Variants in RALGAPA2 observed in about 807,000 individuals in gnomAD.
The protein encoded by RALGAPA2 is Ral GTPase activating protein catalytic subunit alpha 2, also known as ral GTPase-activating protein subunit alpha-2.
RALGAPA2 carries 139 observed loss-of-function variants against 230.4 expected under a neutral mutation model. The observed-to-expected ratio is 0.60, with a 90% confidence interval of 0.53 to 0.69. The LOEUF (loss-of-function observed/expected upper bound fraction) is 0.69. RALGAPA2 is among the 30% of genes least tolerant of loss of function. The pLI is 0.00. For synonymous variants in RALGAPA2, 847 were observed against 837.8 expected (o/e 1.01, Z -0.19); for missense variants, 2,163 against 2,276.0 (o/e 0.95, Z 1.01).
At chr20:20,612,807 G>A (rs1422730611) in intron 13 of RALGAPA2, among the ~76,000 whole-genome samples, 1 of 152,096 alleles carries the variant, frequency 6.6e-6, no homozygotes, top group Non-Finnish European at 1.5e-5. Flanking sequence ...GGGTACCCAG[G>A]CCCCTGTCGC....
rs887511968 is a variant in RALGAPA2 at position 20,524,071 on chromosome 20, C to G, written c.3900+335G>C. Among the ~76,000 whole-genome samples the G allele has an allele frequency of 9.2e-5, 14 of 152,260 alleles. No individual in the cohort carries two copies. The South Asian group carries it at 1.2e-3, about 14-fold the overall frequency. On this transcript the variant is annotated intron_variant, in intron 30 of 39. Transcript: ENST00000202677. ...TCCCAGGTTCACGCCATTCTCCTGC[C>G]TCAGCCTCCGGGGTAGCTGGGCCTA...
At chr20:20,394,494 T>C (rs888627006) in intron 39 of RALGAPA2, among the ~76,000 whole-genome samples, 14 of 152,020 alleles carry the variant, frequency 9.2e-5, no homozygotes, top group South Asian at 2.1e-4. Context: ...GCAAAACTTA[T>C]CCAGGCATGG....
intron 31 of RALGAPA2, among the ~76,000 whole-genome samples, chr20:20,518,458 C>T (rs561924321): frequency 2.0e-5 from 3 of 152,302 alleles, no homozygotes; most frequent in Non-Finnish European, 2.9e-5. Context: ...AAAATACCCA[C>T]GCTATCACCT....
intron 25 of RALGAPA2, 57 bp downstream of exon 25, chr20:20,536,599 T>C: frequency 6.4e-7 from 1 of 1,560,894 alleles, no homozygotes; most frequent in South Asian, 1.1e-5. Context: ...GAGATAATCA[T>C]ACATCTAGAA....
intron 13 of RALGAPA2, among the ~76,000 whole-genome samples, chr20:20,615,702 C>T (rs749840254): frequency 3.3e-5 from 5 of 152,178 alleles, no homozygotes; most frequent in Non-Finnish European, 5.9e-5. Flanking sequence ...CAGTTGACAG[C>T]ATTTCAGGGC....
At chr20:20,698,087 A>G (rs980304917) in intron 1 of RALGAPA2, among the ~76,000 whole-genome samples, 1 of 152,052 alleles carries the variant, frequency 6.6e-6, no homozygotes, top group Non-Finnish European at 1.5e-5. Flanking sequence ...GAAAAAAAAA[A>G]GCCTAGTCTG....
intron 12 of RALGAPA2, among the ~76,000 whole-genome samples, chr20:20,617,942 T>G (rs2066199322): frequency 6.6e-6 from 1 of 152,212 alleles, no homozygotes; most frequent in Non-Finnish European, 1.5e-5. Flanking sequence ...TTGTTTTTTC[T>G]CAGTTCAGGC....
At chr20:20,676,501 T>C (rs1603235854) in intron 2 of RALGAPA2, among the ~76,000 whole-genome samples, 1 of 145,624 alleles carries the variant, frequency 6.9e-6, no homozygotes, top group East Asian at 2.2e-4. Flanking sequence ...TGCCCCTTGC[T>C]AGCTGTTTGA....
chr20:20,686,262 C>G (rs903252447), intron 1 of RALGAPA2, among the ~76,000 whole-genome samples: 2 of 152,102 alleles, frequency 1.3e-5, no homozygotes, highest in Non-Finnish European at 2.9e-5. Context: ...ATAGGGCTAA[C>G]AGGCCAGGCA....
intron 2 of RALGAPA2, 114 bp from the exon 3 acceptor site, chr20:20,676,402 CA>C (rs1297228911): frequency 1.5e-5 from 10 of 649,082 alleles, no homozygotes; most frequent in Non-Finnish European, 2.3e-5. Flanking sequence ...TTCATTTATT[CA>C]AAAAATAGCA....
At chr20:20,423,469 G>A (rs2060320196) in intron 37 of RALGAPA2, among the ~76,000 whole-genome samples, 1 of 152,214 alleles carries the variant, frequency 6.6e-6, no homozygotes, top group Non-Finnish European at 1.5e-5. Context: ...CTAGGGAGAA[G>A]CATCTGGAAG....
At chr20:20,464,623 T>C (rs1032043271) in intron 37 of RALGAPA2, among the ~76,000 whole-genome samples, 2 of 152,208 alleles carry the variant, frequency 1.3e-5, no homozygotes, top group Non-Finnish European at 2.9e-5. Context: ...CTAATGGCTC[T>C]AAGAAAATGG....
intron 3 of RALGAPA2, among the ~76,000 whole-genome samples, chr20:20,657,430 T>C (rs984275445): frequency 3.9e-5 from 6 of 152,236 alleles, no homozygotes; most frequent in African/African-American, 1.4e-4. Flanking sequence ...GCACATTCTT[T>C]CTTGAAGGGG....
intron 20 of RALGAPA2, among the ~76,000 whole-genome samples, chr20:20,580,261 TA>T (rs2064946771): frequency 6.6e-6 from 1 of 152,164 alleles, no homozygotes; most frequent in Admixed American, 6.5e-5. Context: ...GCTCTGGCAT[TA>T]GGGCCTCACT....
intron 23 of RALGAPA2, among the ~76,000 whole-genome samples, chr20:20,565,650 A>G (rs992470805): frequency 6.6e-6 from 1 of 152,228 alleles, no homozygotes; most frequent in African/African-American, 2.4e-5. Flanking sequence ...GTTTTTTTTA[A>G]CATTGATGTG....
chr20:20,416,328 A>G (rs1318762972), intron 37 of RALGAPA2, among the ~76,000 whole-genome samples: 1 of 152,154 alleles, frequency 6.6e-6, no homozygotes, highest in Non-Finnish European at 1.5e-5. Flanking sequence ...AACCCCCTTT[A>G]GGCTACACCC....
chr20:20,409,086 G>A (rs1175184993), intron 38 of RALGAPA2, among the ~76,000 whole-genome samples: 1 of 152,176 alleles, frequency 6.6e-6, no homozygotes. Flanking sequence ...CATCCTGAAC[G>A]CAAGCCTGTT....
At chr20:20,657,421 C>T (rs951616283) in intron 3 of RALGAPA2, among the ~76,000 whole-genome samples, 1 of 152,238 alleles carries the variant, frequency 6.6e-6, no homozygotes, top group South Asian at 2.1e-4. Flanking sequence ...AGCTGGGCAG[C>T]ACATTCTTTC....
At chr20:20,442,144 G>A (rs562483599) in intron 37 of RALGAPA2, among the ~76,000 whole-genome samples, 2 of 152,354 alleles carry the variant, frequency 1.3e-5, no homozygotes, top group South Asian at 4.1e-4. Context: ...CTTGATGGCT[G>A]AGAGATCTTG....
Sources: gnomAD v4.1 joint callset for allele counts (sites outside exome capture counted in the v4.1 genomes callset) on GRCh38, gnomAD v4.1.1 for gene constraint, MANE v1.5 for transcripts, NCBI Gene and HGNC (gene_info 2026-07-23, HGNC 2026-07-21) for gene names.